Variants in FBXL17 observed in about 807,000 individuals in gnomAD.
FBXL17 encodes F-box/LRR-repeat protein 17.
FBXL17 carries 22 observed loss-of-function variants against 66.2 expected under a neutral mutation model. The observed-to-expected ratio is 0.33, with a 90% CI of 0.24 to 0.47. The LOEUF (loss-of-function observed/expected upper bound fraction) is 0.47. FBXL17 is among the 20% of genes least tolerant of loss of function. The probability of loss-of-function intolerance (pLI) is 1.00; values close to 1 mark genes in which losing one functional copy is unlikely to be tolerated. For synonymous variants in FBXL17, 474 were observed against 400.5 expected (o/e 1.18, Z -2.19); for missense variants, 878 against 948.2 (o/e 0.93, Z 0.97).
intron 6 of FBXL17, among the ~76,000 whole-genome samples, chr5:108,091,303 C>T (rs1446193557): frequency 6.6e-6 from 1 of 152,204 alleles, no homozygotes; most frequent in Non-Finnish European, 1.5e-5. Context: ...TTCCCACAGA[C>T]CAGTCCCTTT....
intron 4 of FBXL17, among the ~76,000 whole-genome samples, chr5:108,338,536 C>T (rs1398938848): frequency 6.6e-6 from 1 of 152,098 alleles, no homozygotes; most frequent in African/African-American, 2.4e-5. Flanking sequence ...AACTTGAGTA[C>T]TTCTACCATC....
intron 4 of FBXL17, among the ~76,000 whole-genome samples, chr5:108,264,468 T>C (rs1447592230): frequency 6.6e-6 from 1 of 152,148 alleles, no homozygotes; most frequent in African/African-American, 2.4e-5. Flanking sequence ...TAGTCAACTT[T>C]ATAAATCATT....
intron 7 of FBXL17, among the ~76,000 whole-genome samples, chr5:107,925,601 T>C (rs1311605848): frequency 6.6e-6 from 1 of 152,198 alleles, no homozygotes; most frequent in African/African-American, 2.4e-5. Context: ...GGCTAATAAA[T>C]ATCCCAGTTT....
At chr5:108,053,358 AC>A (rs1474798842) in intron 6 of FBXL17, among the ~76,000 whole-genome samples, 3 of 152,200 alleles carry the variant, frequency 2.0e-5, no homozygotes, top group African/African-American at 7.2e-5. Flanking sequence ...AAGAAAAAAA[AC>A]AACCCTATCA....
intron 4 of FBXL17, chr5:108,297,694 T>C (rs745565069): frequency 2.7e-5 from 8 of 300,308 alleles, no homozygotes; most frequent in Non-Finnish European, 3.4e-5. Context: ...GCTTTCAAAA[T>C]TAGCATTCAG....
chr5:107,920,624 T>C (rs1168859337), intron 7 of FBXL17, among the ~76,000 whole-genome samples: 1 of 152,198 alleles, frequency 6.6e-6, no homozygotes, highest in African/African-American at 2.4e-5. Context: ...ATGTCTGTAA[T>C]ATGAATAAAT....
chr5:108,366,194 A>C (rs949253542), intron 2 of FBXL17, among the ~76,000 whole-genome samples: 1 of 152,060 alleles, frequency 6.6e-6, no homozygotes, highest in Non-Finnish European at 1.5e-5. Flanking sequence ...TCCACATCAA[A>C]AAGTTTTTCT....
chr5:108,200,349 G>A (rs1283116811), intron 5 of FBXL17, among the ~76,000 whole-genome samples: 1 of 152,018 alleles, frequency 6.6e-6, no homozygotes, highest in East Asian at 1.9e-4. Context: ...AGGGCAAGCA[G>A]CATGAAGCAA....
rs548924611 is a variant in FBXL17, at chr5:107,888,043, C to G, written c.1823-6864G>C. Among the ~76,000 whole-genome samples, 82 of 152,284 alleles carry G rather than the reference C, an allele frequency of 5.4e-4. 1 individual carries two copies. Among genetic ancestry groups the G allele is most frequent in the Admixed American group, 2.6e-3 (39 of 15,290 alleles). On this transcript the variant is annotated intron_variant, in intron 7 of 8. Coordinates refer to ENST00000542267, the MANE Select transcript of FBXL17 (RefSeq NM_001163315.3). ...AAATCTCTTTACTTCTAATTAATGT[C>G]CTTTCCATCCATTTTTATACATTAT...
intron 4 of FBXL17, among the ~76,000 whole-genome samples, chr5:108,257,678 T>A (rs577699397): frequency 5.3e-5 from 8 of 152,238 alleles, no homozygotes; most frequent in African/African-American, 1.9e-4. Flanking sequence ...GATACTAAAG[T>A]GGCAGAACCA....
chr5:108,103,533 G>A (rs1055256911), intron 6 of FBXL17, among the ~76,000 whole-genome samples: 1 of 152,052 alleles, frequency 6.6e-6, no homozygotes, highest in Non-Finnish European at 1.5e-5. Context: ...AGGAAAAAAT[G>A]AAACAGTCTT....
chr5:108,327,950 G>A (rs1015550575), intron 4 of FBXL17, among the ~76,000 whole-genome samples: 5 of 151,990 alleles, frequency 3.3e-5, no homozygotes, highest in African/African-American at 9.7e-5. Flanking sequence ...AGATTATATC[G>A]TCTCCAATCT....
chr5:108,017,499 A>T (rs1240635994), intron 7 of FBXL17, among the ~76,000 whole-genome samples: 2 of 152,200 alleles, frequency 1.3e-5, no homozygotes, highest in East Asian at 3.9e-4. Flanking sequence ...CGACTATGCC[A>T]CCAGGCACTC....
intron 4 of FBXL17, among the ~76,000 whole-genome samples, chr5:108,274,283 C>A (rs1317650458): frequency 2.0e-5 from 3 of 152,208 alleles, no homozygotes; most frequent in East Asian, 1.9e-4. Flanking sequence ...ACGACCACGC[C>A]CGGGGGGGCC....
chr5:108,366,796 T>C (rs1182571137), intron 2 of FBXL17, among the ~76,000 whole-genome samples: 1 of 152,046 alleles, frequency 6.6e-6, no homozygotes, highest in Admixed American at 6.6e-5. Context: ...CTCTTACCAA[T>C]GAAGGAGAAA....
At chr5:108,207,543 T>C (rs1023760691) in intron 5 of FBXL17, among the ~76,000 whole-genome samples, 13 of 152,140 alleles carry the variant, frequency 8.5e-5, no homozygotes, top group Admixed American at 2.0e-4. Context: ...TGTGTTCTCA[T>C]TGTTCAACTC....
In FBXL17 at chr5:108,190,004, C is replaced by T. The variant is rs146297652; in HGVS notation, c.1615-3757G>A. 1.2e-3 allele frequency among the ~76,000 whole-genome samples: 186 copies of T among 152,268 alleles called. 1 individual carries two copies. Among genetic ancestry groups the T allele is most frequent in the Admixed American group, 2.4e-3 (37 of 15,298 alleles). ...GCCTTGTGAAACCCCAGGCAGAGGA[C>T]ACAGCTAAGCTATGTCTGTCTGGTC... On this transcript the variant is annotated intron_variant, in intron 5 of 8. Transcript: ENST00000542267.
intron 7 of FBXL17, among the ~76,000 whole-genome samples, chr5:107,974,855 C>T (rs1752517641): frequency 6.6e-6 from 1 of 151,986 alleles, no homozygotes; most frequent in African/African-American, 2.4e-5. Flanking sequence ...GAAAAAGGAA[C>T]ATGTATCAAA....
At chr5:107,902,186 C>T (rs191830493) in intron 7 of FBXL17, among the ~76,000 whole-genome samples, 37 of 152,146 alleles carry the variant, frequency 2.4e-4, no homozygotes, top group Admixed American at 3.9e-4. Flanking sequence ...CTGTGTATTT[C>T]TCTCTCTTCC....
Sources: allele counts gnomAD v4.1 joint callset (sites outside exome capture counted in the v4.1 genomes callset), GRCh38; gene constraint gnomAD v4.1.1; transcripts MANE v1.5; gene names NCBI Gene and HGNC (gene_info 2026-07-23, HGNC 2026-07-21).